MICU1: variants seen among roughly 807,000 people sequenced by gnomAD.
MICU1 encodes the protein mitochondrial calcium uptake 1, also known as calcium uptake protein 1, mitochondrial.
MICU1 carries 45 observed loss-of-function variants against 56.8 expected under a neutral mutation model. The observed-to-expected ratio is 0.79, with a 90% CI of 0.62 to 1.02. The LOEUF (loss-of-function observed/expected upper bound fraction) is 1.02, where lower values mean the gene tolerates loss of function less well. Ranked by LOEUF, MICU1 falls within the 50% of genes least tolerant of loss-of-function variation. MICU1 has a pLI of 0.00. For missense variants in MICU1, 504 were observed against 587.1 expected, an observed-to-expected ratio of 0.86 and a Z score of 1.46; for synonymous variants, 186 against 195.1, an observed-to-expected ratio of 0.95 and a Z score of 0.39.
At chr10:72,479,573 G>C (rs924999143) in intron 6 of MICU1, among the ~76,000 whole-genome samples, 1 of 152,188 alleles carries the variant, frequency 6.6e-6, no homozygotes, top group Non-Finnish European at 1.5e-5. Flanking sequence ...CTGTCATCTA[G>C]GCTAGAATGC....
At chr10:72,469,848 A>ATGAC (rs1317922551) in intron 8 of MICU1, among the ~76,000 whole-genome samples, 3 of 152,142 alleles carry the variant, frequency 2.0e-5, no homozygotes, top group Non-Finnish European at 4.4e-5. Context: ...TGGCTTACAG[A>ATGAC]TGACTGCCTT....
At chr10:72,465,137 A>G (rs1468181727) in intron 8 of MICU1, among the ~76,000 whole-genome samples, 1 of 152,042 alleles carries the variant, frequency 6.6e-6, no homozygotes, top group Non-Finnish European at 1.5e-5. Flanking sequence ...AGTAGCTGGA[A>G]TTACAGGTGT....
intron 1 of MICU1, among the ~76,000 whole-genome samples, chr10:72,619,934 G>A (rs1055528505): frequency 6.6e-6 from 1 of 152,026 alleles, no homozygotes; most frequent in Admixed American, 6.6e-5. Flanking sequence ...GAATAAAAAG[G>A]GGAGGAGGAT....
chr10:72,483,751 AG>A (rs1352204639), intron 6 of MICU1: 1 of 158,224 alleles, frequency 6.3e-6, no homozygotes, highest in African/African-American at 2.4e-5. Flanking sequence ...AGGGAAGCGG[AG>A]CAGTACAGTT....
At chr10:72,401,830 T>C (rs1342610338) in intron 10 of MICU1, among the ~76,000 whole-genome samples, 1 of 152,170 alleles carries the variant, frequency 6.6e-6, no homozygotes, top group East Asian at 1.9e-4. Flanking sequence ...CCTGCCTAAC[T>C]GAAGCTTTGC....
intron 10 of MICU1, among the ~76,000 whole-genome samples, chr10:72,397,667 A>C (rs1278344642): frequency 1.3e-5 from 2 of 152,240 alleles, no homozygotes; most frequent in Non-Finnish European, 2.9e-5. Flanking sequence ...AAACCAACAA[A>C]GATCAAAAGA....
At chr10:72,454,280 C>A (rs1009188693) in intron 8 of MICU1, among the ~76,000 whole-genome samples, 4 of 150,488 alleles carry the variant, frequency 2.7e-5, no homozygotes, top group African/African-American at 9.8e-5. Flanking sequence ...CATGGAGAAA[C>A]CCCATCTCTA....
intron 1 of MICU1, 100 bp from the exon 2 acceptor site, chr10:72,566,894 C>T: frequency 5.9e-6 from 6 of 1,017,880 alleles, no homozygotes; most frequent in Non-Finnish European, 8.5e-6. Context: ...AAAGTAATTG[C>T]TCTATGACAG....
intron 6 of MICU1, among the ~76,000 whole-genome samples, chr10:72,503,622 G>C (rs1867147256): frequency 6.6e-6 from 1 of 151,858 alleles, no homozygotes; most frequent in Non-Finnish European, 1.5e-5. Context: ...AGTAATATCA[G>C]GCAAGAGAAA....
intron 1 of MICU1, among the ~76,000 whole-genome samples, chr10:72,572,273 G>C (rs184124609): frequency 1.8e-4 from 27 of 152,256 alleles, no homozygotes; most frequent in African/African-American, 6.3e-4. Context: ...AAAAGACTAA[G>C]ATCATATAAA....
intron 1 of MICU1, among the ~76,000 whole-genome samples, chr10:72,593,602 G>A (rs1259266066): frequency 6.6e-6 from 1 of 151,344 alleles, no homozygotes; most frequent in African/African-American, 2.4e-5. Flanking sequence ...CAGACGACAT[G>A]ATCTTATATG....
At chr10:72,527,698 A>G (rs1173411764) in intron 5 of MICU1, among the ~76,000 whole-genome samples, 1 of 152,150 alleles carries the variant, frequency 6.6e-6, no homozygotes, top group Admixed American at 6.5e-5. Flanking sequence ...AGCTTAAGAT[A>G]GTGGTTGTGT....
intron 8 of MICU1, among the ~76,000 whole-genome samples, chr10:72,464,295 CAAAAAAAAAAAA>C (rs58499998): frequency 6.2e-4 from 62 of 100,004 alleles, no homozygotes; most frequent in East Asian, 4.4e-4. Flanking sequence ...GATTCTGTCT[CAAAAAAAAAAAA>C]AAAAAAAAAA....
intron 8 of MICU1, among the ~76,000 whole-genome samples, chr10:72,456,761 T>C (rs1750276282): frequency 6.6e-6 from 1 of 151,998 alleles, no homozygotes; most frequent in Admixed American, 6.6e-5. Flanking sequence ...CAATCCCAAC[T>C]CACTGCAGTT....
intron 4 of MICU1, among the ~76,000 whole-genome samples, chr10:72,547,535 A>G (rs533345223): frequency 1.2e-4 from 18 of 146,166 alleles, no homozygotes; most frequent in East Asian, 8.0e-4. Context: ...ACACATATGT[A>G]TATATATATA....
intron 5 of MICU1, among the ~76,000 whole-genome samples, chr10:72,529,689 A>C (rs1412801587): frequency 1.3e-5 from 2 of 152,146 alleles, no homozygotes; most frequent in Non-Finnish European, 1.5e-5. Flanking sequence ...AAGGCTACAA[A>C]CCACTTGAAA....
At chr10:72,479,929 T>C (rs1866239321) in intron 6 of MICU1, among the ~76,000 whole-genome samples, 1 of 152,212 alleles carries the variant, frequency 6.6e-6, no homozygotes, top group Non-Finnish European at 1.5e-5. Context: ...TTCACTCCTA[T>C]ATGTTATTTG....
intron 8 of MICU1, among the ~76,000 whole-genome samples, chr10:72,454,071 G>A (rs1371594115): frequency 6.6e-6 from 1 of 151,132 alleles, no homozygotes; most frequent in Non-Finnish European, 1.5e-5. Context: ...TCTGACATCA[G>A]GTGATCTGCT....
chr10:72,599,240 T>C (rs1841459684), intron 1 of MICU1, among the ~76,000 whole-genome samples: 1 of 152,204 alleles, frequency 6.6e-6, no homozygotes, highest in African/African-American at 2.4e-5. Flanking sequence ...AACAATAATG[T>C]GTATAACAAT....
Sources: allele counts gnomAD v4.1 joint callset (sites outside exome capture counted in the v4.1 genomes callset), GRCh38; gene constraint gnomAD v4.1.1; transcripts MANE v1.5; gene names NCBI Gene and HGNC (gene_info 2026-07-23, HGNC 2026-07-21).